The following CAPS2 variants were observed in gnomAD, a reference collection of about 807,000 sequenced individuals.
The protein encoded by CAPS2 is calcyphosin-2.
CAPS2 carries 98 observed loss-of-function variants against 86.5 expected under a neutral mutation model. That is an observed-to-expected ratio of 1.13 (90% CI 0.96 to 1.34). CAPS2 has a LOEUF of 1.34. CAPS2 is among the 40% of genes most tolerant of loss of function. The probability of loss-of-function intolerance (pLI) is 0.00; values close to 1 mark genes in which losing one functional copy is unlikely to be tolerated. For synonymous variants in CAPS2, 210 were observed against 225.1 expected (o/e 0.93, Z 0.60); for missense variants, 729 against 686.8 (o/e 1.06, Z -0.69).
intron 16 of CAPS2, 82 bp from the exon 17 acceptor site, chr12:75,279,147 TC>T: frequency 8.4e-7 from 1 of 1,186,968 alleles, no homozygotes; most frequent in Non-Finnish European, 1.2e-6. Flanking sequence ...TACTTAATCA[TC>T]TTATGAAATA....
intron 9 of CAPS2, among the ~76,000 whole-genome samples, 186 bp from the exon 10 acceptor site, chr12:75,299,152 A>G (rs1164405185): frequency 1.3e-5 from 2 of 152,234 alleles, no homozygotes; most frequent in African/African-American, 2.4e-5. Context: ...TAAAAGTTAG[A>G]TTTGAATGCA....
In CAPS2 at chr12:75,278,196, A is replaced by T. The variant is rs970735718; in HGVS notation, c.*694T>A. On this transcript the variant is annotated 3_prime_UTR_variant, in exon 17 of 17. Transcript: ENST00000393284. ...AAAGCAGAATAAAAGAACAAATACA[A>T]CTGGGCATTAGAATAACTACATTGT... 3.1e-6 allele frequency: 3 copies of T among 978,848 alleles called. No homozygotes were observed. The African/African-American group carries it at 5.3e-5, about 17-fold the overall frequency. 60.6% of individuals were successfully genotyped at this position (978,848 alleles called of 1,614,324 possible). A position where few individuals can be genotyped will look rare whatever the true frequency, so the allele number is the denominator to read the frequency against.
At chr12:75,350,794 CA>C (rs1180757523) in intron 1 of CAPS2, among the ~76,000 whole-genome samples, 1 of 152,146 alleles carries the variant, frequency 6.6e-6, no homozygotes, top group East Asian at 1.9e-4. Context: ...TCTTCAGCTG[CA>C]AATGATCACA....
At chr12:75,306,967 G>A (rs1358231436) in intron 7 of CAPS2, among the ~76,000 whole-genome samples, 3 of 152,028 alleles carry the variant, frequency 2.0e-5, no homozygotes, top group Non-Finnish European at 4.4e-5. Flanking sequence ...AGCACTCAGA[G>A]GAGAAGGAGT....
chr12:75,304,751 T>C lies in CAPS2; in HGVS notation c.779+6A>G. On this transcript the variant is annotated splice_donor_region_variant and intron_variant, in intron 8 of 16. Transcript: ENST00000393284. ...TCCTCATTTTATGTAATTAAAATCTTCTTACTTTGTTTCATGTAGTGTTCT... is the reference window on the plus strand; with the variant it reads ...TCCTCATTTTATGTAATTAAAATCTCCTTACTTTGTTTCATGTAGTGTTCT... 6.4e-7 allele frequency: 1 copy of C among 1,568,748 alleles called. No individual in the cohort carries two copies.
chr12:75,364,351 C>T (rs534370448), intron 1 of CAPS2, among the ~76,000 whole-genome samples: 46 of 152,180 alleles, frequency 3.0e-4, no homozygotes, highest in Non-Finnish European at 5.0e-4. Flanking sequence ...TTACATTCTC[C>T]CCCTTCTGGC....
rs192620990 is a variant in CAPS2, at chr12:75,290,466, A to G, written c.1241-691T>C. ...AAAAAAACAAATGTCACCAAGTTCA[A>G]TTGTGACAAATACTGTATTGACAAT... On this transcript the variant is annotated intron_variant, in intron 13 of 16. Transcript: ENST00000393284. Among the ~76,000 whole-genome samples the G allele has an allele frequency of 2.1e-3, 320 of 152,278 alleles. 2 individuals carry two copies. The highest frequency in any genetic ancestry group is 7.1e-3 in the African/African-American group (297 of 41,550).
chr12:75,370,162 C>A, intron 1 of CAPS2: 1 of 1,550,542 alleles, frequency 6.4e-7, no homozygotes, highest in African/African-American at 1.4e-5. Flanking sequence ...TTTTCTTCTT[C>A]TGAGAATCTT....
intron 1 of CAPS2, among the ~76,000 whole-genome samples, chr12:75,357,849 G>A (rs1340141035): frequency 6.6e-6 from 1 of 151,280 alleles, no homozygotes; most frequent in African/African-American, 2.4e-5. Flanking sequence ...TATTAAAACA[G>A]TAATTATGAG....
At chr12:75,334,771 CTG>C (rs753359271), upstream of CAPS2, 239 of 1,613,968 alleles carry the variant, frequency 1.5e-4, 2 homozygotes, top group Non-Finnish European at 6.8e-6. Context: ...GATCTTGGGT[CTG>C]TGTTTGGTAG....
At chr12:75,331,858 C>T (rs564306343), upstream of CAPS2, among the ~76,000 whole-genome samples, 1 of 152,234 alleles carries the variant, frequency 6.6e-6, no homozygotes, top group East Asian at 1.9e-4. Context: ...CCACCGCGCC[C>T]GGCCTAAATT....
At chr12:75,353,383 T>C (rs923066316) in intron 1 of CAPS2, among the ~76,000 whole-genome samples, 24 of 152,162 alleles carry the variant, frequency 1.6e-4, no homozygotes, top group Non-Finnish European at 3.2e-4. Context: ...GCAAATCACT[T>C]GGAAAATCTA....
chr12:75,362,150 G>T (rs1270504739), intron 1 of CAPS2, among the ~76,000 whole-genome samples: 1 of 151,810 alleles, frequency 6.6e-6, no homozygotes, highest in African/African-American at 2.4e-5. Context: ...GATGTACCCT[G>T]GAATATAGGA....
chr12:75,316,535 T>C, intron 5 of CAPS2, 101 bp from the exon 6 acceptor site: 2 of 1,072,756 alleles, frequency 1.9e-6, no homozygotes, highest in South Asian at 5.0e-5. Flanking sequence ...TCAGTGACTA[T>C]TTGTACAACA....
intron 5 of CAPS2, 113 bp downstream of exon 5, chr12:75,321,287 G>T: frequency 1.6e-6 from 1 of 643,850 alleles, no homozygotes; most frequent in South Asian, 2.4e-5. Context: ...ATAAATGTTA[G>T]CTATTATACT....
In CAPS2 at chr12:75,343,966, G is replaced by A. The variant is rs765800888; in HGVS notation, c.-394-20744C>T. ...AAATATTTGACATCTTTATTGATTA[G>A]TTCTTATTTGTGCATATTTTAATTG... is the stretch of plus-strand genomic sequence containing the variant. On this transcript the variant is annotated intron_variant, in intron 1 of 5. Transcript: ENST00000551829. The A allele has an allele frequency of 2.6e-6, 4 of 1,538,134 alleles. No individual in the cohort carries two copies. In the African/African-American group the frequency reaches 4.1e-5, roughly 16 times the overall value.
chr12:75,278,593 CCT>C, exon 17 of CAPS2: 1 of 1,048,552 alleles, frequency 9.5e-7, no homozygotes, highest in Non-Finnish European at 1.1e-6. Flanking sequence ...TAAAAAATGA[CCT>C]CTAAAATATA....
intron 8 of CAPS2, among the ~76,000 whole-genome samples, chr12:75,303,595 C>T (rs543511546): frequency 2.2e-4 from 34 of 152,156 alleles, no homozygotes; most frequent in Admixed American, 3.9e-4. Context: ...TGTGAATGTA[C>T]GTTTTATTTC....
At chr12:75,371,581 CAAT>C (rs1319551969) in intron 1 of CAPS2, 1 of 203,032 alleles carries the variant, frequency 4.9e-6, no homozygotes, top group East Asian at 1.7e-4. Flanking sequence ...CAAATAAAGA[CAAT>C]AATAAGGTTA....
Sources: gnomAD v4.1 joint callset for allele counts (sites outside exome capture counted in the v4.1 genomes callset) on GRCh38, gnomAD v4.1.1 for gene constraint, MANE v1.5 for transcripts, NCBI Gene and HGNC (gene_info 2026-07-23, HGNC 2026-07-21) for gene names.